NUP54: variants seen among roughly 807,000 people sequenced by gnomAD.
NUP54 encodes nucleoporin p54.
NUP54 carries 27 observed loss-of-function variants against 66.4 expected under a neutral mutation model. The observed-to-expected ratio is 0.41, with a 90% CI of 0.30 to 0.56. NUP54 has a LOEUF of 0.56. Ranked by LOEUF, NUP54 falls within the 20% of genes least tolerant of loss-of-function variation. NUP54 has a pLI of 0.34. For missense variants in NUP54, 486 were observed against 596.3 expected (o/e 0.82, Z 1.93); for synonymous variants, 206 against 210.7 (o/e 0.98, Z 0.19).
Position 76,124,694 on chromosome 4 carries a change from T to C in NUP54, c.1119A>G (p.Ala373=). 2 of 1,605,198 alleles carry C rather than the reference T, an allele frequency of 1.2e-6. No individual in the cohort carries two copies. Among genetic ancestry groups the C allele is most frequent in the Non-Finnish European group, 1.7e-6 (2 of 1,174,222 alleles). ...KNQTTSVAKI[A]QYKRKLMDLS... is the part of the protein sequence containing the mutation. The stretch of plus-strand genomic sequence containing the variant: ...GATCCATGAGTTTCCTCTTGTATTG[T>C]GCAATTTTGGCTACAGATGTAGTTT... Residue 373 remains alanine (A), a synonymous_variant, in exon 9 of 12, where the codon GCA becomes GCG. Transcript: ENST00000264883.
intron 10 of NUP54, 130 bp from the exon 11 acceptor site, chr4:76,117,904 G>A (rs1213820208): frequency 7.1e-6 from 7 of 983,100 alleles, no homozygotes; most frequent in African/African-American, 6.5e-5. Context: ...CATTATATTC[G>A]AAACACTAAT....
At chr4:76,129,303 CAAG>C (rs1314515936) in intron 8 of NUP54, among the ~76,000 whole-genome samples, 2 of 151,980 alleles carry the variant, frequency 1.3e-5, no homozygotes, top group Non-Finnish European at 2.9e-5. Context: ...GTAAATTTGC[CAAG>C]AAAACACAAC....
chr4:76,119,757 T>C (rs1404886472), intron 9 of NUP54, among the ~76,000 whole-genome samples: 1 of 152,130 alleles, frequency 6.6e-6, no homozygotes, highest in Non-Finnish European at 1.5e-5. Context: ...ACTCTTGGTT[T>C]GCTGCTACTC....
Position 76,136,411 on chromosome 4 carries a change from T to A in NUP54, c.297A>T (p.Thr99=). Residue 99 remains threonine (T), a splice_region_variant and synonymous_variant, in exon 4 of 12, where the codon ACA becomes ACT. Coordinates refer to ENST00000264883, the MANE Select transcript of NUP54 (RefSeq NM_017426.4). The part of the protein sequence containing the change: ...GFNTQQQQQT[T]LGGLFSQPTQ... ...TAGGCTGACTGAAGAGACCACCTAA[T>A]GCTAAAAATGTACCCAAAATTAGTA... is the stretch of plus-strand genomic sequence containing the variant. The A allele has an allele frequency of 1.2e-6, 2 of 1,606,598 alleles. No individual in the cohort carries two copies. Among genetic ancestry groups the A allele is most frequent in the Non-Finnish European group, 1.7e-6 (2 of 1,175,900 alleles).
At chr4:76,125,338 A>ACG (rs769313894) in intron 8 of NUP54, among the ~76,000 whole-genome samples, 8 of 142,736 alleles carry the variant, frequency 5.6e-5, no homozygotes, top group South Asian at 2.4e-4. Flanking sequence ...ACACACACAC[A>ACG]CACACACACA....
At chr4:76,126,825 T>G (rs1730557617) in intron 8 of NUP54, among the ~76,000 whole-genome samples, 1 of 152,318 alleles carries the variant, frequency 6.6e-6, no homozygotes, top group African/African-American at 2.4e-5. Flanking sequence ...GTCTTTGCAT[T>G]TAATGCAATT....
At chr4:76,115,738 G>GT (rs956071886) in intron 11 of NUP54, among the ~76,000 whole-genome samples, 1 of 152,068 alleles carries the variant, frequency 6.6e-6, no homozygotes, top group African/African-American at 2.4e-5. Flanking sequence ...CAACAAAAAT[G>GT]TTTTTTAGAT....
intron 9 of NUP54, among the ~76,000 whole-genome samples, chr4:76,123,104 A>C (rs550758852): frequency 1.3e-4 from 20 of 152,354 alleles, no homozygotes; most frequent in African/African-American, 4.8e-4. Context: ...CTGTAGGGTG[A>C]CAGAAATGTT....
chr4:76,126,508 C>A (rs768530923), intron 8 of NUP54, among the ~76,000 whole-genome samples: 3 of 152,180 alleles, frequency 2.0e-5, no homozygotes, highest in Non-Finnish European at 2.9e-5. Flanking sequence ...GCAATCTCCC[C>A]ATCCCAATTT....
chr4:76,140,335 G>C (rs1731215740), intron 3 of NUP54, among the ~76,000 whole-genome samples: 1 of 149,840 alleles, frequency 6.7e-6, no homozygotes, highest in African/African-American at 2.5e-5. Context: ...ACCCAGGCTG[G>C]AGTCCAGTGG....
chr4:76,129,883 AAAAAACCTTAGC>A (rs781777454), intron 8 of NUP54, among the ~76,000 whole-genome samples: 11,017 of 137,530 alleles, frequency 0.08, 935 homozygotes, highest in East Asian at 0.21. Context: ...AAAAAAAAAA[AAAAAACCTTAGC>A]AAAGTTAAAA....
At chr4:76,120,461 A>C (rs1389480786) in intron 9 of NUP54, among the ~76,000 whole-genome samples, 10 of 121,746 alleles carry the variant, frequency 8.2e-5, no homozygotes, top group Admixed American at 4.1e-4. Flanking sequence ...ATGGAGTTGC[A>C]CTCTGTCACC....
At chr4:76,140,154 C>A (rs939221386) in intron 3 of NUP54, among the ~76,000 whole-genome samples, 3 of 151,832 alleles carry the variant, frequency 2.0e-5, no homozygotes, top group Admixed American at 6.5e-5. Context: ...GCACATGCGC[C>A]CTGAAAAGGC....
At chr4:76,134,932 G>T (rs1481208688) in intron 4 of NUP54, among the ~76,000 whole-genome samples, 1 of 151,990 alleles carries the variant, frequency 6.6e-6, no homozygotes, top group Non-Finnish European at 1.5e-5. Context: ...TTTAAAGTAG[G>T]CTAGGCTAGG....
At chr4:76,127,154 T>C (rs4552490) in intron 8 of NUP54, among the ~76,000 whole-genome samples, 79,001 of 151,922 alleles carry the variant, frequency 0.52, 22,470 homozygotes, top group East Asian at 0.95. Context: ...AATATAGGGC[T>C]GGGCGCAGTG....
chr4:76,129,565 T>G (rs1013990937), intron 8 of NUP54, among the ~76,000 whole-genome samples: 41 of 152,140 alleles, frequency 2.7e-4, no homozygotes, highest in Admixed American at 2.7e-3. Flanking sequence ...TCCTGGGTTA[T>G]AAAACCTCAG....
At chr4:76,118,290 AAATC>A (rs113089591) in intron 9 of NUP54, 96 bp from the exon 10 acceptor site, 213 of 1,150,638 alleles carry the variant, frequency 1.9e-4, no homozygotes, top group Middle Eastern at 9.9e-4. Context: ...AATCAGCTGA[AAATC>A]AAACAACAGT....
intron 11 of NUP54, among the ~76,000 whole-genome samples, chr4:76,116,130 TA>T (rs1729941584): frequency 6.6e-6 from 1 of 152,168 alleles, no homozygotes; most frequent in Admixed American, 6.5e-5. Context: ...CTCATAATTT[TA>T]AAAAAGACAG....
At chr4:76,143,623 A>G (rs1731360047) in intron 3 of NUP54, among the ~76,000 whole-genome samples, 1 of 152,178 alleles carries the variant, frequency 6.6e-6, no homozygotes, top group Non-Finnish European at 1.5e-5. Flanking sequence ...AAAATAAATA[A>G]AAAAGAGAGA....
Sources: gnomAD v4.1 joint callset for allele counts (sites outside exome capture counted in the v4.1 genomes callset) on GRCh38, gnomAD v4.1.1 for gene constraint, MANE v1.5 for transcripts, NCBI Gene and HGNC (gene_info 2026-07-23, HGNC 2026-07-21) for gene names.